The following CCDC122 variants were observed in gnomAD, a reference collection of about 807,000 sequenced individuals.
CCDC122 encodes the protein coiled-coil domain-containing protein 122.
Under a neutral mutation model 37.0 loss-of-function variants are expected in CCDC122, and 38 were observed. That is an observed-to-expected ratio of 1.03 (90% CI 0.79 to 1.35). The LOEUF (loss-of-function observed/expected upper bound fraction) is 1.35. Among genes scored for constraint, CCDC122 ranks in the 40% most tolerant of loss-of-function variants. CCDC122 has a pLI of 0.00. For synonymous variants in CCDC122, 83 were observed against 95.6 expected (o/e 0.87, Z 0.77); for missense variants, 305 against 310.0 (o/e 0.98, Z 0.12).
intron 6 of CCDC122, among the ~76,000 whole-genome samples, chr13:43,857,372 G>C (rs1953950075): frequency 6.6e-6 from 1 of 151,378 alleles, no homozygotes; most frequent in Non-Finnish European, 1.5e-5. Context: ...TTTATGGAGT[G>C]TTTTTCTCTT....
intron 2 of CCDC122, chr13:43,874,605 A>G (rs1954549858): frequency 6.6e-6 from 1 of 152,216 alleles, no homozygotes; most frequent in Non-Finnish European, 1.5e-5. Context: ...AATATTCATA[A>G]AATTCATGCT....
At chr13:43,877,378 T>C (rs1397200669) in intron 1 of CCDC122, among the ~76,000 whole-genome samples, 1 of 152,256 alleles carries the variant, frequency 6.6e-6, no homozygotes, top group African/African-American at 2.4e-5. Flanking sequence ...TTCATGATTC[T>C]GTGGTTTAAC....
intron 3 of CCDC122, among the ~76,000 whole-genome samples, chr13:43,828,059 GTGTTTAC>G (rs1176158746): frequency 6.6e-6 from 1 of 152,198 alleles, no homozygotes; most frequent in African/African-American, 2.4e-5. Flanking sequence ...AGATTTTAAA[GTGTTTAC>G]TGTTTACTCA....
rs1416170887 is a variant in CCDC122, at chr13:43,837,269, C to G, written c.*11G>C. 6 of 1,611,250 alleles carry G rather than the reference C, an allele frequency of 3.7e-6. No individual in the cohort carries two copies. In the South Asian group the frequency reaches 6.6e-5, roughly 18 times the overall value. On this transcript the variant is annotated 3_prime_UTR_variant, in exon 7 of 7. Coordinates refer to ENST00000444614, the MANE Select transcript of CCDC122 (RefSeq NM_144974.5). ...GTCATGGTCTGTGTTCCACATTGCC[C>G]TATGGCAATGTTACTCTTGCATTCC...
downstream of CCDC122, among the ~76,000 whole-genome samples, chr13:43,835,391 C>G (rs928027069): frequency 2.0e-5 from 3 of 152,052 alleles, no homozygotes; most frequent in African/African-American, 7.2e-5. Context: ...AGCACACCAA[C>G]ATGGCACATG....
chr13:43,820,411 C>T (rs1359642717), downstream of CCDC122, among the ~76,000 whole-genome samples: 1 of 152,136 alleles, frequency 6.6e-6, no homozygotes, highest in Non-Finnish European at 1.5e-5. Flanking sequence ...GACAACTTGA[C>T]ACTCCTTAAG....
chr13:43,823,033 A>G (rs987565402), downstream of CCDC122, among the ~76,000 whole-genome samples: 12 of 152,182 alleles, frequency 7.9e-5, no homozygotes, highest in Middle Eastern at 3.4e-3. Flanking sequence ...TGTAGTCACC[A>G]CAGCTGAGAA....
chr13:43,853,176 A>G, intron 6 of CCDC122, among the ~76,000 whole-genome samples: 1 of 152,210 alleles, frequency 6.6e-6, no homozygotes, highest in Middle Eastern at 3.2e-3. Flanking sequence ...TGCCCCAGTT[A>G]AAAGGGACAG....
chr13:43,845,711 A>AAAAC (rs1953501349), intron 6 of CCDC122, among the ~76,000 whole-genome samples: 2 of 151,102 alleles, frequency 1.3e-5, no homozygotes. Context: ...CTCCATCTCT[A>AAAAC]AAAACAAAAC....
intron 3 of CCDC122, among the ~76,000 whole-genome samples, chr13:43,828,110 T>G (rs1399174649): frequency 6.6e-6 from 1 of 152,224 alleles, no homozygotes; most frequent in Non-Finnish European, 1.5e-5. Context: ...AAAGGCTTTT[T>G]TTCTTCTGAC....
At chr13:43,848,884 A>C (rs1953630847) in intron 6 of CCDC122, 9 of 980,584 alleles carry the variant, frequency 9.2e-6, no homozygotes, top group Non-Finnish European at 9.7e-6. Context: ...TATTCAGAAG[A>C]GATAGAAAAA....
At chr13:43,873,336 T>C (rs981245035) in intron 2 of CCDC122, among the ~76,000 whole-genome samples, 1 of 152,188 alleles carries the variant, frequency 6.6e-6, no homozygotes, top group Admixed American at 6.5e-5. Context: ...GCATTTCAAC[T>C]CAATATATCA....
chr13:43,846,132 C>G (rs1363064880), intron 6 of CCDC122, among the ~76,000 whole-genome samples: 1 of 151,614 alleles, frequency 6.6e-6, no homozygotes, highest in Non-Finnish European at 1.5e-5. Context: ...TGGAGTGCAA[C>G]GGCACGATCT....
At chr13:43,822,915 G>C (rs1359324832), downstream of CCDC122, among the ~76,000 whole-genome samples, 2 of 152,168 alleles carry the variant, frequency 1.3e-5, no homozygotes, top group African/African-American at 4.8e-5. Flanking sequence ...GGGACCCCAA[G>C]GGTCTGCTGG....
intron 6 of CCDC122, among the ~76,000 whole-genome samples, chr13:43,842,552 A>G (rs1362600899): frequency 1.3e-5 from 2 of 151,552 alleles, no homozygotes; most frequent in African/African-American, 4.8e-5. Context: ...TTAGCTTATC[A>G]ATTCCTGGAA....
chr13:43,828,561 C>T (rs1282889677), intron 3 of CCDC122, among the ~76,000 whole-genome samples: 4 of 39,134 alleles, frequency 1.0e-4, no homozygotes, highest in African/African-American at 2.4e-4. Context: ...CAGATACACA[C>T]ACACACACAC....
chr13:43,832,129 CAAAA>C (rs11323501), downstream of CCDC122, among the ~76,000 whole-genome samples: 2 of 117,002 alleles, frequency 1.7e-5, no homozygotes, highest in Non-Finnish European at 1.9e-5. Context: ...ATTTATCAGC[CAAAA>C]AAAAAAAAAA....
intron 2 of CCDC122, among the ~76,000 whole-genome samples, chr13:43,870,600 TA>T (rs964574326): frequency 6.6e-5 from 10 of 151,592 alleles, no homozygotes; most frequent in African/African-American, 1.9e-4. Context: ...TGCTTTAGAT[TA>T]AAAAAAAATT....
chr13:43,846,447 T>A (rs1953539469), intron 6 of CCDC122, among the ~76,000 whole-genome samples: 2 of 152,242 alleles, frequency 1.3e-5, no homozygotes, highest in Admixed American at 1.3e-4. Flanking sequence ...AACTCTGAAT[T>A]GTGTTACTTT....
Sources: allele counts gnomAD v4.1 joint callset (sites outside exome capture counted in the v4.1 genomes callset), GRCh38; gene constraint gnomAD v4.1.1; transcripts MANE v1.5; gene names NCBI Gene and HGNC (gene_info 2026-07-23, HGNC 2026-07-21).